Variants in ATRNL1 observed in about 807,000 individuals in gnomAD.
ATRNL1 encodes attractin-like protein 1.
In ATRNL1, 95 loss-of-function variants were observed where a neutral mutation model predicts 182.7. That is an observed-to-expected ratio of 0.52 (90% CI 0.44 to 0.62). The LOEUF (loss-of-function observed/expected upper bound fraction) is 0.62. Among genes scored for constraint, ATRNL1 ranks in the 20% least tolerant of loss-of-function variants. ATRNL1 has a pLI of 0.00. For synonymous variants in ATRNL1, 576 were observed against 568.3 expected, an observed-to-expected ratio of 1.01 and a Z score of -0.19; for missense variants, 1,471 against 1,679.5, an observed-to-expected ratio of 0.88 and a Z score of 2.17.
chr10:115,118,737 C>T (rs1844599410), intron 1 of ATRNL1, among the ~76,000 whole-genome samples: 1 of 152,156 alleles, frequency 6.6e-6, no homozygotes, highest in Admixed American at 6.6e-5. Flanking sequence ...GCAAATCTCT[C>T]AGAACAAAAG....
intron 27 of ATRNL1, among the ~76,000 whole-genome samples, chr10:115,763,807 T>G (rs1231875799): frequency 6.6e-6 from 1 of 152,188 alleles, no homozygotes; most frequent in Non-Finnish European, 1.5e-5. Context: ...AATGTATGTA[T>G]GTTTAAAACT....
chr10:115,428,818 C>A (rs1414007823), intron 21 of ATRNL1, among the ~76,000 whole-genome samples: 1 of 151,920 alleles, frequency 6.6e-6, no homozygotes, highest in Non-Finnish European at 1.5e-5. Flanking sequence ...TTCATATGGT[C>A]TTTATGTGAA....
chr10:115,844,095 G>A (rs781823311), intron 27 of ATRNL1, among the ~76,000 whole-genome samples: 7 of 152,022 alleles, frequency 4.6e-5, no homozygotes, highest in Non-Finnish European at 8.8e-5. Context: ...GCCTTGAAGC[G>A]ACTTAGTTTA....
At chr10:115,911,234 A>G (rs1403921045) in intron 28 of ATRNL1, among the ~76,000 whole-genome samples, 1 of 152,104 alleles carries the variant, frequency 6.6e-6, no homozygotes, top group Admixed American at 6.6e-5. Flanking sequence ...TCCTGAGCTC[A>G]GGCAATCCAA....
chr10:115,102,424 A>G (rs1185999423), intron 1 of ATRNL1, among the ~76,000 whole-genome samples: 2 of 151,228 alleles, frequency 1.3e-5, no homozygotes, highest in African/African-American at 4.9e-5. Context: ...TTATTAATGT[A>G]TGTATATGTG....
At chr10:115,207,515 T>C (rs960147554) in intron 8 of ATRNL1, among the ~76,000 whole-genome samples, 16 of 152,182 alleles carry the variant, frequency 1.1e-4, no homozygotes, top group African/African-American at 3.4e-4. Flanking sequence ...AATTTTGTTG[T>C]CATCTCCTGT....
At chr10:115,897,189 A>G (rs554921240) in intron 28 of ATRNL1, among the ~76,000 whole-genome samples, 1 of 152,350 alleles carries the variant, frequency 6.6e-6, no homozygotes, top group East Asian at 1.9e-4. Flanking sequence ...ACATGAAAAT[A>G]TATTCAATCT....
intron 27 of ATRNL1, among the ~76,000 whole-genome samples, chr10:115,820,816 G>A (rs1025718372): frequency 5.3e-5 from 8 of 151,952 alleles, no homozygotes; most frequent in Non-Finnish European, 7.4e-5. Context: ...TTTTATAATG[G>A]GTAGATGATA....
At chr10:115,825,412 C>T (rs554795248) in intron 27 of ATRNL1, among the ~76,000 whole-genome samples, 2 of 152,042 alleles carry the variant, frequency 1.3e-5, no homozygotes, top group Non-Finnish European at 2.9e-5. Flanking sequence ...GCACATGCAT[C>T]CCAGAACTTA....
chr10:115,569,053 G>A (rs962047870), intron 26 of ATRNL1, among the ~76,000 whole-genome samples: 4 of 151,688 alleles, frequency 2.6e-5, no homozygotes, highest in African/African-American at 9.7e-5. Flanking sequence ...CAATTAAAGG[G>A]TGACAGCATT....
chr10:115,640,299 G>T (rs1227541418), intron 26 of ATRNL1, among the ~76,000 whole-genome samples: 1 of 152,152 alleles, frequency 6.6e-6, no homozygotes, highest in Non-Finnish European at 1.5e-5. Context: ...CCAGTAATGG[G>T]ATTGCTGGGT....
intron 27 of ATRNL1, among the ~76,000 whole-genome samples, chr10:115,828,409 G>C (rs1190637686): frequency 1.3e-5 from 2 of 152,200 alleles, no homozygotes; most frequent in African/African-American, 4.8e-5. Flanking sequence ...AAGGCTGTGT[G>C]GAAAGGCACT....
chr10:115,415,464 C>A (rs1845343952), intron 20 of ATRNL1, among the ~76,000 whole-genome samples: 1 of 150,550 alleles, frequency 6.6e-6, no homozygotes, highest in Non-Finnish European at 1.5e-5. Flanking sequence ...CACATATTTC[C>A]TCCCAGTTTG....
intron 24 of ATRNL1, among the ~76,000 whole-genome samples, chr10:115,511,795 A>G (rs1850399516): frequency 6.6e-6 from 1 of 151,944 alleles, no homozygotes; most frequent in Admixed American, 6.6e-5. Flanking sequence ...TGTTTTCAGT[A>G]TGAATTTACA....
chr10:115,205,358 A>G (rs906453227), intron 8 of ATRNL1, among the ~76,000 whole-genome samples: 3 of 151,916 alleles, frequency 2.0e-5, no homozygotes, highest in Admixed American at 6.6e-5. Context: ...GTAATTATCA[A>G]TATGCTTGGA....
chr10:115,888,608 A>C (rs1555110385), intron 28 of ATRNL1, among the ~76,000 whole-genome samples: 1 of 152,208 alleles, frequency 6.6e-6, no homozygotes, highest in African/African-American at 2.4e-5. Flanking sequence ...TCCTCTTATA[A>C]GGTACTTATT....
chr10:115,938,956 TTAATAA>T (rs782461380), intron 28 of ATRNL1, among the ~76,000 whole-genome samples: 2 of 152,162 alleles, frequency 1.3e-5, no homozygotes, highest in Non-Finnish European at 2.9e-5. Context: ...GTGACCACAG[TTAATAA>T]TAATGTATTA....
intron 20 of ATRNL1, among the ~76,000 whole-genome samples, 172 bp downstream of exon 20, chr10:115,394,924 A>G (rs1299152284): frequency 6.6e-6 from 1 of 151,980 alleles, no homozygotes; most frequent in Admixed American, 6.6e-5. Flanking sequence ...ACATGGGTGT[A>G]TTGCATGATG....
At chr10:115,619,259 G>A (rs949205762) in intron 26 of ATRNL1, among the ~76,000 whole-genome samples, 1 of 152,210 alleles carries the variant, frequency 6.6e-6, no homozygotes, top group Non-Finnish European at 1.5e-5. Flanking sequence ...GCTGGTAGCA[G>A]CAGTGGTGAG....
Sources: allele counts gnomAD v4.1 joint callset (sites outside exome capture counted in the v4.1 genomes callset), GRCh38; gene constraint gnomAD v4.1.1; transcripts MANE v1.5; gene names NCBI Gene and HGNC (gene_info 2026-07-23, HGNC 2026-07-21).